The following TENM1 variants were observed in gnomAD, a reference collection of about 807,000 sequenced individuals.
The protein encoded by TENM1 is teneurin transmembrane protein 1.
A neutral mutation model predicts 174.8 loss-of-function variants in TENM1; 35 were observed. That is an observed-to-expected ratio of 0.20 (90% CI 0.15 to 0.27). TENM1 has a LOEUF of 0.27. TENM1 is among the 10% of genes least tolerant of loss of function. The pLI is 1.00. For missense variants in TENM1, 1,633 were observed against 2,130.1 expected (o/e 0.77, Z 4.59); for synonymous variants, 781 against 798.7 (o/e 0.98, Z 0.37).
chrX:125,194,621 C>A, the TENM1 span, among the ~76,000 whole-genome samples: 5 of 111,971 alleles, frequency 4.5e-5, no homozygotes, highest in South Asian at 1.9e-3. Context: ...TATCTCCATG[C>A]AGCAAAATAC....
At chrX:124,986,578 G>T in the TENM1 span, among the ~76,000 whole-genome samples, 1 of 112,048 alleles carries the variant, frequency 8.9e-6, no homozygotes, top group African/African-American at 3.2e-5. Flanking sequence ...CTTTTCTATG[G>T]AACAAGGGCT....
chrX:124,906,591 C>T (rs2057752446), intron 1 of TENM1, among the ~76,000 whole-genome samples: 1 of 111,568 alleles, frequency 9.0e-6, no homozygotes, highest in Non-Finnish European at 1.9e-5. Context: ...TAAATAAAAT[C>T]ACATGTCCTT....
chrX:124,541,105 A>G (rs1010627842), intron 15 of TENM1, among the ~76,000 whole-genome samples: 2 of 112,248 alleles, frequency 1.8e-5, no homozygotes, highest in Non-Finnish European at 3.8e-5. Context: ...TGCTATTTGG[A>G]GAACTGTAAT....
the TENM1 span, among the ~76,000 whole-genome samples, chrX:124,984,905 A>G: frequency 8.9e-6 from 1 of 112,354 alleles, no homozygotes; most frequent in African/African-American, 3.2e-5. Flanking sequence ...CACTCTGCCA[A>G]CATTGTAGGA....
intron 3 of TENM1, among the ~76,000 whole-genome samples, chrX:124,772,786 T>C (rs1427314075): frequency 1.8e-5 from 2 of 111,566 alleles, no homozygotes; most frequent in African/African-American, 6.5e-5. Flanking sequence ...CCTTTTCTTA[T>C]TTTCATGAAT....
intron 23 of TENM1, among the ~76,000 whole-genome samples, chrX:124,428,039 A>T (rs2060738054): frequency 8.9e-6 from 1 of 112,089 alleles, no homozygotes; most frequent in Non-Finnish European, 1.9e-5. Flanking sequence ...ATTTGGCCTC[A>T]TTTGTGGTGG....
intron 3 of TENM1, among the ~76,000 whole-genome samples, chrX:124,777,101 G>A (rs1282675234): frequency 9.1e-6 from 1 of 109,977 alleles, no homozygotes; most frequent in Non-Finnish European, 1.9e-5. Context: ...TTTCCTCCCA[G>A]TATTCCTGAC....
At chrX:125,173,514 T>G in the TENM1 span, among the ~76,000 whole-genome samples, 1 of 111,052 alleles carries the variant, frequency 9.0e-6, no homozygotes, top group South Asian at 3.9e-4. Context: ...CCATCAGTGT[T>G]AAAGCCTACA....
chrX:124,497,631 T>A (rs1242813418), intron 19 of TENM1, among the ~76,000 whole-genome samples: 2 of 111,576 alleles, frequency 1.8e-5, no homozygotes, highest in Admixed American at 1.9e-4. Context: ...TCTTTTCTGA[T>A]GCCTAGCACA....
chrX:124,818,928 G>T lies in TENM1; in HGVS notation c.535+75368C>A, dbSNP rs374522251. ...GTACACAACAGAAAGCTGTTGGGTT[G>T]TGTAACATTAAACATTAAAAACAAA... On this transcript the variant is annotated intron_variant, in intron 3 of 31. Coordinates refer to ENST00000422452, the Ensembl canonical transcript of TENM1. Among the ~76,000 whole-genome samples, 10 of 111,635 alleles carry T rather than the reference G, an allele frequency of 9.0e-5. No homozygotes were observed. In the South Asian group the frequency reaches 3.7e-3, roughly 42 times the overall value.
chrX:125,160,571 A>G, the TENM1 span, among the ~76,000 whole-genome samples: 2 of 94,343 alleles, frequency 2.1e-5, no homozygotes, highest in Non-Finnish European at 4.3e-5. Flanking sequence ...AAAAAAAAAC[A>G]GAGAGAGAGA....
chrX:124,432,590 T>G (rs2060792962), intron 23 of TENM1, among the ~76,000 whole-genome samples: 1 of 111,061 alleles, frequency 9.0e-6, no homozygotes, highest in African/African-American at 3.3e-5. Flanking sequence ...TTATTTTTAT[T>G]TGTATTTGTA....
At chrX:124,840,702 G>A (rs1347262793) in intron 3 of TENM1, among the ~76,000 whole-genome samples, 1 of 111,760 alleles carries the variant, frequency 8.9e-6, no homozygotes, top group African/African-American at 3.2e-5. Flanking sequence ...CTGCTGATCT[G>A]TTTTCGTTAG....
At chrX:124,453,399 C>T (rs1004927550) in exon 23 of TENM1, 14 of 1,208,629 alleles carry the variant, frequency 1.2e-5, no homozygotes, top group East Asian at 3.0e-5. Context: ...CCATTTGAGC[C>T]GATTACAGTT....
At chrX:124,836,572 T>C (rs1158590334) in intron 3 of TENM1, among the ~76,000 whole-genome samples, 1 of 112,473 alleles carries the variant, frequency 8.9e-6, no homozygotes, top group Non-Finnish European at 1.9e-5. Context: ...AAATATTCTA[T>C]ACCAGTGTCT....
chrX:124,487,675 G>A (rs2046981168), intron 20 of TENM1, among the ~76,000 whole-genome samples: 1 of 111,325 alleles, frequency 9.0e-6, no homozygotes, highest in Admixed American at 9.5e-5. Context: ...TTGAACTAGG[G>A]GTTGAAGAAG....
At chrX:125,094,504 C>A in the TENM1 span, among the ~76,000 whole-genome samples, 5 of 111,873 alleles carry the variant, frequency 4.5e-5, no homozygotes, top group Non-Finnish European at 9.4e-5. Context: ...CAAATTCAGG[C>A]GAGTTAAGTA....
At chrX:125,058,987 T>TCA in the TENM1 span, among the ~76,000 whole-genome samples, 11,520 of 103,525 alleles carry the variant, frequency 0.11, 1,601 homozygotes, top group African/African-American at 0.37. Flanking sequence ...TTCATCATCA[T>TCA]CACACACACA....
the TENM1 span, among the ~76,000 whole-genome samples, chrX:125,052,870 T>C: frequency 1.3e-4 from 15 of 111,849 alleles, no homozygotes; most frequent in African/African-American, 4.9e-4. Flanking sequence ...GGCACAATTT[T>C]AATTAAATTT....
Sources: gnomAD v4.1 joint callset for allele counts (sites outside exome capture counted in the v4.1 genomes callset) on GRCh38, gnomAD v4.1.1 for gene constraint, MANE v1.5 for transcripts, NCBI Gene and HGNC (gene_info 2026-07-23, HGNC 2026-07-21) for gene names.